Variants in RIMS2 observed in about 807,000 individuals in gnomAD.
RIMS2 encodes the protein regulating synaptic membrane exocytosis protein 2.
A neutral mutation model predicts 174.4 loss-of-function variants in RIMS2; 59 were observed. The ratio of observed to expected loss-of-function variants is 0.34; its 90% CI spans 0.27 to 0.42. The LOEUF (loss-of-function observed/expected upper bound fraction) is 0.42, where lower values mean the gene tolerates loss of function less well. RIMS2 is among the 10% of genes least tolerant of loss of function. The pLI, the probability that RIMS2 is intolerant of heterozygous loss-of-function variation, is 1.00. For missense variants in RIMS2, 1,620 were observed against 1,666.3 expected, an observed-to-expected ratio of 0.97 and a Z score of 0.48; for synonymous variants, 606 against 572.5, an observed-to-expected ratio of 1.06 and a Z score of -0.84.
At chr8:103,752,020 T>C (rs1327956373) in intron 2 of RIMS2, among the ~76,000 whole-genome samples, 1 of 152,228 alleles carries the variant, frequency 6.6e-6, no homozygotes, top group East Asian at 1.9e-4. Context: ...CATGAAGTCC[T>C]TGCCCATGCC....
chr8:104,003,203 A>G (rs1192127334), intron 17 of RIMS2, among the ~76,000 whole-genome samples: 1 of 152,180 alleles, frequency 6.6e-6, no homozygotes, highest in Non-Finnish European at 1.5e-5. Context: ...CATGGAAGAC[A>G]CAACAACTCA....
At chr8:103,757,897 A>T (rs1320589266) in intron 2 of RIMS2, among the ~76,000 whole-genome samples, 1 of 152,210 alleles carries the variant, frequency 6.6e-6, no homozygotes, top group Non-Finnish European at 1.5e-5. Context: ...GCCAGAGGAG[A>T]CAAGGAACTG....
chr8:103,830,607 A>C (rs1189031066), intron 3 of RIMS2, among the ~76,000 whole-genome samples: 1 of 152,150 alleles, frequency 6.6e-6, no homozygotes, highest in Admixed American at 6.5e-5. Context: ...TGGTCTATAA[A>C]TGTCAATTAT....
chr8:103,745,605 AT>A (rs1446604593), intron 2 of RIMS2, among the ~76,000 whole-genome samples: 1 of 152,228 alleles, frequency 6.6e-6, no homozygotes, highest in Non-Finnish European at 1.5e-5. Context: ...GAGTTACACT[AT>A]CCTCACATCT....
chr8:104,113,200 A>C (rs2098221974), intron 19 of RIMS2, among the ~76,000 whole-genome samples: 1 of 152,160 alleles, frequency 6.6e-6, no homozygotes, highest in Non-Finnish European at 1.5e-5. Flanking sequence ...GCTCATAAAC[A>C]AAACACTGGG....
intron 1 of RIMS2, among the ~76,000 whole-genome samples, chr8:103,559,716 C>G (rs1271944770): frequency 6.6e-6 from 1 of 152,168 alleles, no homozygotes; most frequent in African/African-American, 2.4e-5. Context: ...GTTAGATTAT[C>G]AAAAACCATG....
chr8:104,201,113 A>G (rs1271815897), intron 19 of RIMS2, among the ~76,000 whole-genome samples: 1 of 152,060 alleles, frequency 6.6e-6, no homozygotes, highest in Non-Finnish European at 1.5e-5. Context: ...GTAGTTTTTT[A>G]AACCCTCTCC....
chr8:103,745,621 C>T (rs1206770510), intron 2 of RIMS2, among the ~76,000 whole-genome samples: 1 of 152,132 alleles, frequency 6.6e-6, no homozygotes, highest in African/African-American at 2.4e-5. Context: ...ACATCTTCAC[C>T]AACACTTATT....
At chr8:103,826,542 T>C (rs1424535524) in intron 3 of RIMS2, among the ~76,000 whole-genome samples, 1 of 152,004 alleles carries the variant, frequency 6.6e-6, no homozygotes, top group Non-Finnish European at 1.5e-5. Flanking sequence ...TGAATAGTTG[T>C]ATAAGCATGG....
chr8:103,549,848 C>A (rs1846875859), intron 1 of RIMS2, among the ~76,000 whole-genome samples: 1 of 152,014 alleles, frequency 6.6e-6, no homozygotes, highest in Non-Finnish European at 1.5e-5. Flanking sequence ...AGACTTTAAA[C>A]CCACAAAGAT....
intron 12 of RIMS2, among the ~76,000 whole-genome samples, chr8:103,935,479 AT>A (rs1377157992): frequency 6.6e-6 from 1 of 152,194 alleles, no homozygotes; most frequent in Non-Finnish European, 1.5e-5. Context: ...AAGAAGTTGC[AT>A]TACTTCCCAA....
intron 15 of RIMS2, among the ~76,000 whole-genome samples, chr8:103,968,417 T>A (rs577922522): frequency 6.6e-6 from 1 of 152,132 alleles, no homozygotes; most frequent in East Asian, 1.9e-4. Context: ...TCTTTTTCAG[T>A]GTTTTTTTTT....
At chr8:103,812,942 A>T (rs1222969062) in intron 3 of RIMS2, among the ~76,000 whole-genome samples, 2 of 152,204 alleles carry the variant, frequency 1.3e-5, no homozygotes, top group Non-Finnish European at 2.9e-5. Context: ...TAGTCAGTAG[A>T]ACAAGAATAA....
chr8:104,015,477 T>C (rs1565860403), intron 19 of RIMS2: 1 of 684,000 alleles, frequency 1.5e-6, no homozygotes, highest in Non-Finnish European at 2.7e-6. Flanking sequence ...AAAAGAGGGT[T>C]TGTTTTGTGC....
At chr8:103,509,314 C>G (rs10505043) in intron 1 of RIMS2, among the ~76,000 whole-genome samples, 3 of 152,002 alleles carry the variant, frequency 2.0e-5, no homozygotes, top group African/African-American at 7.2e-5. Context: ...CATCCTTTTA[C>G]TGAATATTCC....
chr8:103,875,152 G>A (rs2099129983), intron 3 of RIMS2, among the ~76,000 whole-genome samples: 1 of 151,958 alleles, frequency 6.6e-6, no homozygotes, highest in South Asian at 2.1e-4. Flanking sequence ...GGGTACAAGT[G>A]GTTTTTGGTG....
exon 4 of RIMS2, chr8:103,885,871 T>C: frequency 6.2e-7 from 1 of 1,612,974 alleles, no homozygotes; most frequent in Non-Finnish European, 8.5e-7. Flanking sequence ...CAAGTTCTTA[T>C]GCACAAAGGA....
chr8:104,022,818 A>T (rs899073130), intron 19 of RIMS2, among the ~76,000 whole-genome samples: 3 of 152,212 alleles, frequency 2.0e-5, no homozygotes, highest in African/African-American at 7.2e-5. Flanking sequence ...TTTATCATTT[A>T]TATGAAATCC....
chr8:104,136,258 G>C (rs2098518796), intron 19 of RIMS2, among the ~76,000 whole-genome samples: 1 of 152,022 alleles, frequency 6.6e-6, no homozygotes, highest in Non-Finnish European at 1.5e-5. Flanking sequence ...TTAACATTTA[G>C]CTAAAAGCAA....
Sources: gnomAD v4.1 joint callset for allele counts (sites outside exome capture counted in the v4.1 genomes callset) on GRCh38, gnomAD v4.1.1 for gene constraint, MANE v1.5 for transcripts, NCBI Gene and HGNC (gene_info 2026-07-23, HGNC 2026-07-21) for gene names.